HHAT: variants seen among roughly 807,000 people sequenced by gnomAD.
The protein encoded by HHAT is protein-cysteine N-palmitoyltransferase HHAT.
Under a neutral mutation model 70.8 loss-of-function variants are expected in HHAT, and 47 were observed. The ratio of observed to expected loss-of-function variants is 0.66; its 90% CI spans 0.53 to 0.85. The LOEUF is 0.85. Among genes scored for constraint, HHAT ranks in the 40% least tolerant of loss-of-function variants. HHAT has a pLI of 0.00. For synonymous variants in HHAT, 228 were observed against 247.6 expected (o/e 0.92, Z 0.74); for missense variants, 609 against 604.8 (o/e 1.01, Z -0.07).
intron 10 of HHAT, among the ~76,000 whole-genome samples, chr1:210,603,850 AGCT>A (rs1664796718): frequency 6.6e-6 from 1 of 152,162 alleles, no homozygotes; most frequent in Non-Finnish European, 1.5e-5. Flanking sequence ...GTTAGAGATA[AGCT>A]GGGTTGGTAT....
intron 11 of HHAT, among the ~76,000 whole-genome samples, chr1:210,625,632 A>T (rs1015912472): frequency 1.3e-5 from 2 of 152,238 alleles, no homozygotes; most frequent in African/African-American, 4.8e-5. Context: ...GGAGTTTGCT[A>T]GGTAGAAAAG....
chr1:210,581,549 G>A (rs1659268808), intron 9 of HHAT, among the ~76,000 whole-genome samples: 1 of 152,218 alleles, frequency 6.6e-6, no homozygotes, highest in Non-Finnish European at 1.5e-5. Flanking sequence ...GCCTTTCCTA[G>A]CCACTAAAGG....
At chr1:210,438,203 T>C (rs942776787) in intron 7 of HHAT, among the ~76,000 whole-genome samples, 6 of 151,762 alleles carry the variant, frequency 4.0e-5, no homozygotes, top group Admixed American at 3.9e-4. Flanking sequence ...TGTATACACA[T>C]GTGTATGTAT....
At chr1:210,481,199 A>G (rs2501889) in intron 8 of HHAT, among the ~76,000 whole-genome samples, 76,503 of 151,982 alleles carry the variant, frequency 0.5, 20,702 homozygotes, top group East Asian at 0.76. Flanking sequence ...CACTGAATTA[A>G]TGACCACTGG....
chr1:210,595,738 G>C (rs1662838108), intron 10 of HHAT, among the ~76,000 whole-genome samples: 1 of 152,096 alleles, frequency 6.6e-6, no homozygotes, highest in Non-Finnish European at 1.5e-5. Context: ...ATTTTTTCAT[G>C]TGTCTTTTGG....
chr1:210,673,762 ATTATTTATTTATTTATTTATTTAT>A lies in HHAT; in HGVS notation c.1391-497_1391-474del, dbSNP rs58146322. On this transcript the variant is annotated intron_variant, in intron 11 of 11. Transcript: ENST00000261458. ...ACATGCCACCATGCCTGGCTTATTT[ATTATTTATTTATTTATTTATTTAT>A]TTATTTATTTATTTATTTATTTATT... Among the ~76,000 whole-genome samples, 265 of 92,116 alleles carry A rather than the reference ATTATTTATTTATTTATTTATTTAT, an allele frequency of 2.9e-3. 1 individual carries two copies. Among genetic ancestry groups the A allele is most frequent in the African/African-American group, 6.9e-3 (246 of 35,488 alleles). The allele number at this position is 92,116 out of a possible 152,430, so 60.4% of individuals were successfully genotyped here. A position where few individuals can be genotyped will look rare whatever the true frequency, so the allele number is the denominator to read the frequency against.
chr1:210,454,803 G>T (rs955354335), intron 7 of HHAT, among the ~76,000 whole-genome samples: 2 of 152,148 alleles, frequency 1.3e-5, no homozygotes, highest in African/African-American at 4.8e-5. Context: ...GTTTGAGCCC[G>T]TTAAGAAGCA....
intron 8 of HHAT, among the ~76,000 whole-genome samples, chr1:210,480,834 T>G (rs2094385145): frequency 6.6e-6 from 1 of 152,166 alleles, no homozygotes; most frequent in Non-Finnish European, 1.5e-5. Flanking sequence ...TACACTCATG[T>G]GGGACTTTTC....
chr1:210,615,076 G>A (rs1667405344), intron 10 of HHAT, among the ~76,000 whole-genome samples: 1 of 152,120 alleles, frequency 6.6e-6, no homozygotes, highest in African/African-American at 2.4e-5. Flanking sequence ...AGCACCTATT[G>A]TTTCCTGACT....
intron 8 of HHAT, among the ~76,000 whole-genome samples, chr1:210,512,679 A>T (rs2094978278): frequency 6.6e-6 from 1 of 151,806 alleles, no homozygotes; most frequent in Non-Finnish European, 1.5e-5. Context: ...TCAAAAAAAA[A>T]AAAAAAAAAA....
intron 10 of HHAT, among the ~76,000 whole-genome samples, chr1:210,616,497 A>G (rs1394222928): frequency 6.6e-6 from 1 of 152,194 alleles, no homozygotes; most frequent in East Asian, 1.9e-4. Flanking sequence ...ACTGTAAGCC[A>G]TATGTTCTTG....
intron 7 of HHAT, among the ~76,000 whole-genome samples, chr1:210,449,324 A>T (rs2093700622): frequency 6.6e-6 from 1 of 151,794 alleles, no homozygotes. Flanking sequence ...AACACAAAAT[A>T]AATCATATAA....
intron 9 of HHAT, among the ~76,000 whole-genome samples, chr1:210,587,180 TG>T (rs759272190): frequency 5.9e-5 from 9 of 152,238 alleles, no homozygotes; most frequent in Non-Finnish European, 1.0e-4. Context: ...CATACTGCTA[TG>T]AAGAAATACC....
intron 9 of HHAT, among the ~76,000 whole-genome samples, chr1:210,523,314 A>G (rs1023098259): frequency 2.0e-5 from 3 of 152,088 alleles, no homozygotes; most frequent in African/African-American, 4.8e-5. Context: ...TCCCTATACC[A>G]GAAGTGCCTG....
At chr1:210,529,804 G>A (rs138639840) in intron 9 of HHAT, among the ~76,000 whole-genome samples, 33 of 152,290 alleles carry the variant, frequency 2.2e-4, no homozygotes, top group African/African-American at 3.9e-4. Context: ...CACCAGAAGC[G>A]GAGTGAACTG....
chr1:210,651,601 T>C (rs1675174246), intron 11 of HHAT, among the ~76,000 whole-genome samples: 1 of 151,784 alleles, frequency 6.6e-6, no homozygotes, highest in African/African-American at 2.4e-5. Flanking sequence ...GGGAGGTGAG[T>C]GCTGTTGAGG....
intron 4 of HHAT, among the ~76,000 whole-genome samples, chr1:210,390,657 AC>A (rs1292201958): frequency 8.5e-5 from 13 of 152,070 alleles, no homozygotes; most frequent in African/African-American, 3.1e-4. Context: ...CACCCCCACA[AC>A]CTTTCCCTCC....
intron 1 of HHAT, among the ~76,000 whole-genome samples, chr1:210,336,340 C>CT (rs1386592321): frequency 7.4e-6 from 1 of 135,644 alleles, no homozygotes; most frequent in Non-Finnish European, 1.6e-5. Flanking sequence ...GTTGCCCAGG[C>CT]TGGTCTTGAA....
intron 7 of HHAT, among the ~76,000 whole-genome samples, chr1:210,448,914 G>A (rs1046437659): frequency 1.3e-5 from 2 of 152,056 alleles, no homozygotes. Flanking sequence ...TTCCTGAACC[G>A]CTTCTGTCCC....
Sources: allele counts gnomAD v4.1 joint callset (sites outside exome capture counted in the v4.1 genomes callset), GRCh38; gene constraint gnomAD v4.1.1; transcripts MANE v1.5; gene names NCBI Gene and HGNC (gene_info 2026-07-23, HGNC 2026-07-21).